Variants in RASGRP2 observed in about 807,000 individuals in gnomAD.
RASGRP2 encodes the protein RAS guanyl releasing protein 2, also known as RAS guanyl-releasing protein 2.
Under a neutral mutation model 71.0 loss-of-function variants are expected in RASGRP2, and 44 were observed. The observed-to-expected ratio is 0.62, with a 90% CI of 0.49 to 0.80. The LOEUF is 0.80. Among genes scored for constraint, RASGRP2 ranks in the 30% least tolerant of loss-of-function variants. The probability of loss-of-function intolerance (pLI) is 0.00; values close to 1 mark genes in which losing one functional copy is unlikely to be tolerated. For missense variants in RASGRP2, 663 were observed against 813.4 expected (o/e 0.82, Z 2.25); for synonymous variants, 350 against 330.7 (o/e 1.06, Z -0.63).
At position 64,742,997 on chromosome 11, in the gene RASGRP2, G is replaced by T; in HGVS notation, c.-71-60C>A. 5 of 1,489,122 alleles carry T rather than the reference G, an allele frequency of 3.4e-6. No individual in the cohort carries two copies. Among genetic ancestry groups the T allele is most frequent in the Admixed American group, 2.1e-5 (1 of 47,500 alleles). The allele number at this position is 1,489,122 out of a possible 1,614,324, so 92.2% of individuals were successfully genotyped here. A position where few individuals can be genotyped will look rare whatever the true frequency, so the allele number is the denominator to read the frequency against. On this transcript the variant is annotated intron_variant, in intron 1 of 16. Coordinates refer to ENST00000394432, the MANE Select transcript of RASGRP2 (RefSeq NM_001098671.2). The surrounding 1 kb of genome is among the most constrained non-coding windows in gnomAD (Gnocchi z 4.7). ...GTCGCGGGCGGGGGAGCGGCCCCGC[G>T]GGCAGAAACGGGGCGGGGCGGGCAC...
intron 13 of RASGRP2, 89 bp from the exon 14 acceptor site, chr11:64,729,887 G>C (rs1592351474): frequency 6.3e-7 from 1 of 1,582,094 alleles, no homozygotes; most frequent in East Asian, 2.2e-5. Context: ...TAGGGCTTTA[G>C]AGCCCGCCTC....
At chr11:64,728,790 C>T in intron 15 of RASGRP2, 73 bp downstream of exon 15, 1 of 1,410,312 alleles carries the variant, frequency 7.1e-7, no homozygotes, top group Non-Finnish European at 9.6e-7. Flanking sequence ...GAATGGCTTC[C>T]ATCCTGCGTT....
rs1367430785 is a variant in RASGRP2, at chr11:64,741,486, C to A, written c.192G>T (p.Arg64=). The part of the protein sequence containing the change: ...AKLLHIYQQS[R]KDNSNSLQVK... ...CCTGCAGGGAATTGGAGTTGTCCTTCCGGGATTGTTGGTAGGTGAAGGAGA... is the reference window on the plus strand; with the variant it reads ...CCTGCAGGGAATTGGAGTTGTCCTTACGGGATTGTTGGTAGGTGAAGGAGA... Residue 64 remains arginine, a synonymous_variant, in exon 4 of 17, where the codon CGG becomes CGT. Coordinates refer to ENST00000394432, the MANE Select transcript of RASGRP2 (RefSeq NM_001098671.2). 6.3e-7 allele frequency: 1 copy of A among 1,581,074 alleles called. No homozygotes were observed.
At position 64,740,972 on chromosome 11, in the gene RASGRP2, C is replaced by T; in HGVS notation, c.347G>A (p.Ser116Asn). 6.2e-7 allele frequency: 1 copy of T among 1,614,022 alleles called. No individual in the cohort carries two copies. Among genetic ancestry groups the T allele is most frequent in the Non-Finnish European group, 8.5e-7 (1 of 1,180,000 alleles). The part of the protein sequence containing the change: ...LLDQEGNRRH[S>N]SLIDIDSVPT... ...CACGCTGTCTATGTCGATTAGGCTG[C>T]TGTGCCGTCGGTTCCCTTCTTGGTC... is the stretch of plus-strand genomic sequence containing the variant. Residue 116 changes from serine to asparagine, a missense_variant, in exon 5 of 17, where the codon AGC becomes AAC. Ser to Asn is a conservative substitution (Grantham distance 46). Transcript: ENST00000394432.
chr11:64,739,428 C>A lies in RASGRP2; in HGVS notation c.745G>T (p.Gly249Cys). 1 of 1,614,158 alleles carries A rather than the reference C, an allele frequency of 6.2e-7. No homozygotes were observed. The highest frequency in any genetic ancestry group is 8.5e-7 in the Non-Finnish European group (1 of 1,180,024). ...NFNTLMAVVG[G>C]LSHSSISRLK... ...CGGGAGATGGAGCTGTGGCTCAGGC[C>A]CCCGACCACTGCCATCAGCGTGTTG... The change falls in exon 8 of 17, where the codon GGC becomes TGC. Residue 249 changes from glycine (G) to cysteine (C), a missense_variant. By Grantham distance (159) the Gly-to-Cys change is radical. Coordinates refer to ENST00000394432, the MANE Select transcript of RASGRP2 (RefSeq NM_001098671.2). The surrounding 1 kb of genome is among the most constrained non-coding windows in gnomAD (Gnocchi z 4.2).
At chr11:64,729,679 C>G in intron 14 of RASGRP2, 83 bp downstream of exon 14, 7 of 1,522,860 alleles carry the variant, frequency 4.6e-6, no homozygotes, top group Non-Finnish European at 6.4e-6. Flanking sequence ...TGGCAATTGC[C>G]CCACCAAAAC....
intron 12 of RASGRP2, among the ~76,000 whole-genome samples, chr11:64,733,042 T>C (rs2057811829): frequency 6.6e-6 from 1 of 150,502 alleles, no homozygotes; most frequent in African/African-American, 2.4e-5. Flanking sequence ...TGAGAATTAC[T>C]TGAACCTGGG....
intron 12 of RASGRP2, among the ~76,000 whole-genome samples, chr11:64,731,579 C>T (rs918423724): frequency 1.3e-5 from 2 of 151,966 alleles, no homozygotes; most frequent in Non-Finnish European, 2.9e-5. Flanking sequence ...TATCCATTAA[C>T]AGAGATTCTA....
At position 64,743,376 on chromosome 11, in the gene RASGRP2, G is replaced by T. The variant is rs1356965396; in HGVS notation, c.-71-439C>A. On this transcript the variant is annotated intron_variant, in intron 1 of 16. Transcript: ENST00000394432. This position sits in a 1 kb window ranked among gnomAD's most constrained non-coding sequence, Gnocchi z 4.9. The stretch of plus-strand genomic sequence containing the variant: ...CCCAGAGCCTGAGGGGACCTCGGAG[G>T]AATTTCTCCCTGGTATGGGAGGTGG... 5.1e-6 allele frequency: 2 copies of T among 392,854 alleles called. No individual in the cohort carries two copies. The highest frequency in any genetic ancestry group is 1.0e-5 in the Non-Finnish European group (2 of 196,440). 24.3% of individuals were successfully genotyped at this position (392,854 alleles called of 1,614,324 possible). A position where few individuals can be genotyped will look rare whatever the true frequency, so the allele number is the denominator to read the frequency against.
At chr11:64,736,140 G>C (rs2057932164) in intron 9 of RASGRP2, among the ~76,000 whole-genome samples, 160 bp from the exon 10 acceptor site, 1 of 152,042 alleles carries the variant, frequency 6.6e-6, no homozygotes, top group South Asian at 2.1e-4. Flanking sequence ...CAACCCCCAT[G>C]TCATCCCAGC....
Position 64,726,962 on chromosome 11 carries a change from CACAAGAGTCTGT to C in RASGRP2, c.*164_*175del, listed in dbSNP as rs1270205178. The stretch of plus-strand genomic sequence containing the variant: ...ATTCCATCTGGAAAATACAAATATT[CACAAGAGTCTGT>C]ACAACCTTAGGGACACCAGCCCTGG... On this transcript the variant is annotated 3_prime_UTR_variant, in exon 17 of 17. Transcript: ENST00000394432. 10 of 276,884 alleles carry C rather than the reference CACAAGAGTCTGT, an allele frequency of 3.6e-5. No individual in the cohort carries two copies. Among genetic ancestry groups the C allele is most frequent in the Non-Finnish European group, 6.4e-5 (9 of 140,966 alleles). 17.2% of individuals were successfully genotyped at this position (276,884 alleles called of 1,614,324 possible). A position where few individuals can be genotyped will look rare whatever the true frequency, so the allele number is the denominator to read the frequency against.
rs2057897570 is a variant in RASGRP2 at position 64,735,369 on chromosome 11, C to T, written c.1297-142G>A. On this transcript the variant is annotated intron_variant, in intron 11 of 16. Transcript: ENST00000394432. The surrounding 1 kb of genome is among the most constrained non-coding windows in gnomAD (Gnocchi z 4.2). ...TGACACCACCCCCGTTCCATACCTCCACCCCCACCCTACCCAGGGGCACTT... is the reference window on the plus strand; with the variant it reads ...TGACACCACCCCCGTTCCATACCTCTACCCCCACCCTACCCAGGGGCACTT... 2 of 1,328,566 alleles carry T rather than the reference C, an allele frequency of 1.5e-6. No homozygotes were observed. The highest frequency in any genetic ancestry group is 2.1e-6 in the Non-Finnish European group (2 of 931,680). The allele number at this position is 1,328,566 out of a possible 1,614,324, so 82.3% of individuals were successfully genotyped here. A position where few individuals can be genotyped will look rare whatever the true frequency, so the allele number is the denominator to read the frequency against.
Position 64,743,444 on chromosome 11 carries a change from G to T in RASGRP2, c.-71-507C>A. The T allele has an allele frequency of 2.8e-6, 1 of 351,484 alleles. No individual in the cohort carries two copies. Among genetic ancestry groups the T allele is most frequent in the Non-Finnish European group, 5.6e-6 (1 of 178,090 alleles). 21.8% of individuals were successfully genotyped at this position (351,484 alleles called of 1,614,324 possible). A position where few individuals can be genotyped will look rare whatever the true frequency, so the allele number is the denominator to read the frequency against. The stretch of plus-strand genomic sequence containing the variant: ...GTCCTGCCCGCCTCGCCCCCTCCCG[G>T]GAGCCCAGGAAGGCGAGGCGGGGCT... On this transcript the variant is annotated intron_variant, in intron 1 of 16. Transcript: ENST00000394432. The surrounding 1 kb of genome is among the most constrained non-coding windows in gnomAD (Gnocchi z 4.9).
rs2058137045 is a variant in RASGRP2, at chr11:64,741,914, T to C, written c.176+96A>G. On this transcript the variant is annotated intron_variant, in intron 3 of 16. Transcript: ENST00000394432. ...GAGCTCTGGGATAAGGAGTGGCCTA[T>C]ACTTAGGAGCGAGGCTCATTCTGCA... The C allele has an allele frequency of 6.6e-6, 7 of 1,058,528 alleles. No homozygotes were observed. The South Asian group carries it at 6.7e-5, about 10-fold the overall frequency. The allele number at this position is 1,058,528 out of a possible 1,614,324, so 65.6% of individuals were successfully genotyped here. A position where few individuals can be genotyped will look rare whatever the true frequency, so the allele number is the denominator to read the frequency against.
In RASGRP2 at chr11:64,742,686, G is replaced by A. The variant is rs1370082135; in HGVS notation, c.73+108C>T. The A allele has an allele frequency of 1.7e-5, 25 of 1,430,170 alleles. No homozygotes were observed. The highest frequency in any genetic ancestry group is 2.3e-5 in the Non-Finnish European group (24 of 1,042,580). The allele number at this position is 1,430,170 out of a possible 1,614,324, so 88.6% of individuals were successfully genotyped here. On this transcript the variant is annotated intron_variant, in intron 2 of 16. Coordinates refer to ENST00000394432, the MANE Select transcript of RASGRP2 (RefSeq NM_001098671.2). The surrounding 1 kb of genome is among the most constrained non-coding windows in gnomAD (Gnocchi z 4.7). The stretch of plus-strand genomic sequence containing the variant: ...TAAAGAGACTGCACGCTGCGGAGCA[G>A]GGTGGGTCCGGGTCAGGGCTGTGCC...
At chr11:64,727,780 G>A (rs566524449) in intron 15 of RASGRP2, among the ~76,000 whole-genome samples, 3 of 152,236 alleles carry the variant, frequency 2.0e-5, no homozygotes, top group African/African-American at 7.2e-5. Flanking sequence ...GCTTCCCAAA[G>A]TGCTAGGATT....
intron 15 of RASGRP2, among the ~76,000 whole-genome samples, chr11:64,728,655 G>A (rs543639770): frequency 6.6e-6 from 1 of 151,874 alleles, no homozygotes; most frequent in East Asian, 1.9e-4. Flanking sequence ...GGATGGTCTC[G>A]ATCTCCTGAC....
rs1592343748 is a variant in RASGRP2 at position 64,727,452 on chromosome 11, C to G, written c.1772-92G>C. On this transcript the variant is annotated intron_variant, in intron 15 of 16. Transcript: ENST00000394432. ...CTCCACGGGAGGCATCCACATCATC[C>G]CAGAAGCAGACCCACCCACCAAAAA... 2.5e-6 allele frequency: 3 copies of G among 1,180,892 alleles called. No individual in the cohort carries two copies. The East Asian group carries it at 7.2e-5, about 28-fold the overall frequency. The allele number at this position is 1,180,892 out of a possible 1,614,324, so 73.2% of individuals were successfully genotyped here.
Position 64,735,240 on chromosome 11 carries a change from G to T in RASGRP2, c.1297-13C>A, listed in dbSNP as rs538651164. The T allele has an allele frequency of 6.2e-7, 1 of 1,600,982 alleles. No individual in the cohort carries two copies. The highest frequency in any genetic ancestry group is 8.6e-7 in the Non-Finnish European group (1 of 1,168,106). On this transcript the variant is annotated splice_polypyrimidine_tract_variant and intron_variant, in intron 11 of 16. Transcript: ENST00000394432. The surrounding 1 kb of genome is among the most constrained non-coding windows in gnomAD (Gnocchi z 4.2). ...TCCGGAACACAGACTGGGGCACGCA[G>T]AGGGACACGCAGAGCCAGAAGAGGG...
Sources: allele counts gnomAD v4.1 joint callset (sites outside exome capture counted in the v4.1 genomes callset), GRCh38; gene constraint gnomAD v4.1.1; non-coding constraint Gnocchi (gnomAD v3.1); transcripts MANE v1.5; gene names NCBI Gene and HGNC (gene_info 2026-07-23, HGNC 2026-07-21).